The following SMOC2 variants were observed in gnomAD, a reference collection of about 807,000 sequenced individuals.
SMOC2 encodes SPARC related modular calcium binding 2, also known as SPARC-related modular calcium-binding protein 2.
A neutral mutation model predicts 61.4 loss-of-function variants in SMOC2; 39 were observed. The ratio of observed to expected loss-of-function variants is 0.64; its 90% CI spans 0.49 to 0.83. The LOEUF is 0.83. Among genes scored for constraint, SMOC2 ranks in the 40% least tolerant of loss-of-function variants. The pLI, the probability that SMOC2 is intolerant of heterozygous loss-of-function variation, is 0.00. For synonymous variants in SMOC2, 247 were observed against 239.9 expected, an observed-to-expected ratio of 1.03 and a Z score of -0.27; for missense variants, 556 against 592.9, an observed-to-expected ratio of 0.94 and a Z score of 0.65.
intron 7 of SMOC2, among the ~76,000 whole-genome samples, chr6:168,580,782 A>T (rs1412207795): frequency 6.6e-6 from 1 of 152,124 alleles, no homozygotes; most frequent in Admixed American, 6.5e-5. Flanking sequence ...GGCTTAAGTG[A>T]TCCTCCTACC....
intron 9 of SMOC2, among the ~76,000 whole-genome samples, chr6:168,647,304 A>G (rs1050642148): frequency 1.3e-5 from 2 of 152,216 alleles, no homozygotes; most frequent in Non-Finnish European, 2.9e-5. Context: ...CTAAGTGAGA[A>G]GAAGGCCGGG....
At chr6:168,610,833 G>C (rs1785839534) in intron 9 of SMOC2, among the ~76,000 whole-genome samples, 1 of 152,158 alleles carries the variant, frequency 6.6e-6, no homozygotes, top group Admixed American at 6.5e-5. Flanking sequence ...TCACCGTTTT[G>C]GCTTTTGAAG....
At chr6:168,598,734 A>G (rs1785392836) in intron 7 of SMOC2, 84 bp from the exon 8 acceptor site, 4 of 1,476,756 alleles carry the variant, frequency 2.7e-6, no homozygotes, top group Non-Finnish European at 3.7e-6. Flanking sequence ...CGTTCTTGGC[A>G]GTTCTCTGTG....
At position 168,621,263 on chromosome 6, in the gene SMOC2, T is replaced by C. The variant is rs137916414; in HGVS notation, c.907+13024T>C. 5.8e-4 allele frequency among the ~76,000 whole-genome samples: 89 copies of C among 152,348 alleles called. 1 individual carries two copies. The East Asian group carries it at 0.015, about 25-fold the overall frequency. On this transcript the variant is annotated intron_variant, in intron 9 of 12. Transcript: ENST00000356284. Reference sequence around the variant, plus strand: ...TTTGAGTTTCTGTCCTATTTATGCATCTTTTCTCTACGCTTTTCCTGATGT... The same window carrying C: ...TTTGAGTTTCTGTCCTATTTATGCACCTTTTCTCTACGCTTTTCCTGATGT...
At chr6:168,617,421 G>A (rs368595904) in intron 9 of SMOC2, among the ~76,000 whole-genome samples, 1 of 152,238 alleles carries the variant, frequency 6.6e-6, no homozygotes, top group African/African-American at 2.4e-5. Context: ...ACCCAAGGAC[G>A]GGTCTCCCAG....
At chr6:168,480,097 A>G (rs928926381) in intron 1 of SMOC2, among the ~76,000 whole-genome samples, 1 of 152,212 alleles carries the variant, frequency 6.6e-6, no homozygotes, top group African/African-American at 2.4e-5. Context: ...ATATATACAT[A>G]TATTTTAAAA....
chr6:168,664,384 C>CTTTTTTTTTT lies in SMOC2; in HGVS notation c.1323+296_1323+305dup, dbSNP rs750178882. ...TTCTGAGTTTCCTTGTTTGGTAGAT[C>CTTTTTTTTTT]TTTTTTTTTTTTTTTTTTTTTTTTT... On this transcript the variant is annotated intron_variant, in intron 12 of 12. Coordinates refer to ENST00000356284, the MANE Select transcript of SMOC2 (RefSeq NM_001166412.2). 2.2e-4 allele frequency: 63 copies of CTTTTTTTTTT among 283,064 alleles called. 2 individuals carry two copies. In the African/African-American group the frequency reaches 2.4e-3, roughly 11 times the overall value. The allele number at this position is 283,064 out of a possible 1,614,324, so 17.5% of individuals were successfully genotyped here.
intron 1 of SMOC2, among the ~76,000 whole-genome samples, chr6:168,491,898 T>C (rs1158578846): frequency 2.6e-5 from 4 of 152,220 alleles, no homozygotes; most frequent in Admixed American, 6.5e-5. Flanking sequence ...AGTGCAGGTA[T>C]CGCTAACTAC....
chr6:168,515,148 A>G (rs1783100303), intron 2 of SMOC2, among the ~76,000 whole-genome samples: 1 of 152,234 alleles, frequency 6.6e-6, no homozygotes, highest in Non-Finnish European at 1.5e-5. Flanking sequence ...TATGTTACTG[A>G]AGAAGTTTTA....
At chr6:168,587,527 C>T (rs1022093965) in intron 7 of SMOC2, among the ~76,000 whole-genome samples, 18 of 152,194 alleles carry the variant, frequency 1.2e-4, no homozygotes, top group Admixed American at 1.0e-3. Context: ...CAAATGGTTG[C>T]ATTCTTTTGA....
At chr6:168,470,328 A>G (rs1015370145) in intron 1 of SMOC2, among the ~76,000 whole-genome samples, 4 of 152,188 alleles carry the variant, frequency 2.6e-5, no homozygotes, top group Admixed American at 2.6e-4. Flanking sequence ...TAGTGAAGCT[A>G]TTTTGTGGTA....
Position 168,483,468 on chromosome 6 carries a change from G to A in SMOC2, c.85-26447G>A, listed in dbSNP as rs188085280. Among the ~76,000 whole-genome samples, 25 of 152,174 alleles carry A rather than the reference G, an allele frequency of 1.6e-4. No homozygotes were observed. In the South Asian group the frequency reaches 2.5e-3, roughly 15 times the overall value. ...ATCAACAAATGGAAACACATCCCACGTTCATGGATCAGTATTAGTACTGCT... is the reference window on the plus strand; with the variant it reads ...ATCAACAAATGGAAACACATCCCACATTCATGGATCAGTATTAGTACTGCT... On this transcript the variant is annotated intron_variant, in intron 1 of 12. Transcript: ENST00000356284.
chr6:168,499,937 T>C (rs1028559188), intron 1 of SMOC2, among the ~76,000 whole-genome samples: 1 of 152,214 alleles, frequency 6.6e-6, no homozygotes, highest in African/African-American at 2.4e-5. Flanking sequence ...AAGGTACTAA[T>C]GCAGTAAAGT....
intron 1 of SMOC2, among the ~76,000 whole-genome samples, chr6:168,500,487 C>T (rs73272973): frequency 0.016 from 2,370 of 152,104 alleles, 54 homozygotes; most frequent in African/African-American, 0.054. Context: ...GGGTCCCTCA[C>T]GGAGGTGTTC....
rs923890027 is a variant in SMOC2 at position 168,452,874 on chromosome 6, G to A, written c.84+11420G>A. Among the ~76,000 whole-genome samples the A allele has an allele frequency of 2.0e-5, 3 of 152,242 alleles. No homozygotes were observed. The highest frequency in any genetic ancestry group is 7.2e-5 in the African/African-American group (3 of 41,472). ...CTTTTGTCCTGCTCTGCTCCTGGAG[G>A]CTGACACGAGGCTGACTCCCAGGCC... On this transcript the variant is annotated intron_variant, in intron 1 of 12. Transcript: ENST00000356284. This position sits in a 1 kb window ranked among gnomAD's most constrained non-coding sequence, Gnocchi z 5.0.
intron 8 of SMOC2, 137 bp downstream of exon 8, chr6:168,599,141 CCA>C (rs1040129469): frequency 7.2e-5 from 57 of 789,770 alleles, no homozygotes; most frequent in Non-Finnish European, 9.7e-5. Context: ...CACACTGATA[CCA>C]CACACATACC....
rs1228865087 is a variant in SMOC2, at chr6:168,543,376, GTCTTATAT to G, written c.464-248_464-241del. On this transcript the variant is annotated intron_variant, in intron 4 of 12. Coordinates refer to ENST00000356284, the MANE Select transcript of SMOC2 (RefSeq NM_001166412.2). Reference sequence around the variant, plus strand: ...AGAGACTAATATATTGGGTTTTAAGGTCTTATATACATGTGCAACCCCTTAGCGCCAGA... The same window carrying G: ...AGAGACTAATATATTGGGTTTTAAGGACATGTGCAACCCCTTAGCGCCAGA... Among the ~76,000 whole-genome samples, 4 of 152,228 alleles carry G rather than the reference GTCTTATAT, an allele frequency of 2.6e-5. No individual in the cohort carries two copies. In the East Asian group the frequency reaches 7.7e-4, roughly 29 times the overall value.
intron 1 of SMOC2, among the ~76,000 whole-genome samples, chr6:168,486,012 T>C (rs942711027): frequency 1.3e-5 from 2 of 152,222 alleles, no homozygotes; most frequent in African/African-American, 4.8e-5. Flanking sequence ...GGTTATGCAA[T>C]TCCTTCCTCT....
intron 4 of SMOC2, among the ~76,000 whole-genome samples, chr6:168,539,749 C>T (rs577129738): frequency 5.3e-5 from 8 of 152,340 alleles, no homozygotes; most frequent in South Asian, 2.1e-4. Flanking sequence ...CCAGCCTGTG[C>T]GTGGTCTCCT....
Sources: gnomAD v4.1 joint callset for allele counts (sites outside exome capture counted in the v4.1 genomes callset) on GRCh38, gnomAD v4.1.1 for gene constraint, Gnocchi (gnomAD v3.1) non-coding constraint, MANE v1.5 for transcripts, NCBI Gene and HGNC (gene_info 2026-07-23, HGNC 2026-07-21) for gene names.